MAIP1: variants seen among roughly 807,000 people sequenced by gnomAD.
The protein encoded by MAIP1 is m-AAA protease-interacting protein 1, mitochondrial.
A neutral mutation model predicts 31.2 loss-of-function variants in MAIP1; 28 were observed. The observed-to-expected ratio is 0.90, with a 90% CI of 0.67 to 1.23. The LOEUF (loss-of-function observed/expected upper bound fraction) is 1.23, where lower values mean the gene tolerates loss of function less well. Among genes scored for constraint, MAIP1 ranks in the 50% most tolerant of loss-of-function variants. The pLI, the probability that MAIP1 is intolerant of heterozygous loss-of-function variation, is 0.00. For missense variants in MAIP1, 339 were observed against 356.0 expected (o/e 0.95, Z 0.38); for synonymous variants, 142 against 142.3 (o/e 1.00, Z 0.02).
chr2:199,959,427 A>G (rs886559142), intron 2 of MAIP1, 88 bp downstream of exon 2: 4 of 810,332 alleles, frequency 4.9e-6, no homozygotes, highest in Non-Finnish European at 8.5e-6. Context: ...ATGCTTAAAA[A>G]TAGTGTGTGT....
chr2:199,955,916 T>C lies in MAIP1; in HGVS notation c.118T>C (p.Cys40Arg). 1 of 1,594,868 alleles carries C rather than the reference T, an allele frequency of 6.3e-7. No homozygotes were observed. The highest frequency in any genetic ancestry group is 8.6e-7 in the Non-Finnish European group (1 of 1,169,262). The part of the protein sequence containing the change: ...AEVRLPSATL[C>R]YFCRCRLGLG... ...GGTGAGGCTGCCGTCGGCCACACTT[T>C]GCTACTTCTGCCGCTGTCGCCTCGG... The change falls in exon 1 of 5, where the codon TGC becomes CGC. Residue 40 changes from cysteine to arginine, a missense_variant. Cys to Arg is a radical substitution (Grantham distance 180, BLOSUM62 -3). Coordinates refer to ENST00000392290, the MANE Select transcript of MAIP1 (RefSeq NM_001394955.1).
rs1232666901 is a variant in MAIP1, at chr2:199,963,840, T to C, written c.*29T>C. 1 of 1,455,922 alleles carries C rather than the reference T, an allele frequency of 6.9e-7. No homozygotes were observed. The allele number at this position is 1,455,922 out of a possible 1,614,324, so 90.2% of individuals were successfully genotyped here. ...TCTTGGAAAAATCAGCTTATGGACT[T>C]TAGCAGTTGCTGTGAAAAACTAAGG... On this transcript the variant is annotated 3_prime_UTR_variant, in exon 5 of 5. Transcript: ENST00000392290.
At position 199,955,974 on chromosome 2, in the gene MAIP1, G is replaced by C; in HGVS notation, c.176G>C (p.Arg59Thr). The C allele has an allele frequency of 6.2e-7, 1 of 1,612,528 alleles. No individual in the cohort carries two copies. Among genetic ancestry groups the C allele is most frequent in the South Asian group, 1.1e-5 (1 of 90,962 alleles). The change falls in exon 1 of 5, where the codon AGG (arginine) becomes ACG (threonine). Residue 59 changes from arginine to threonine, a missense_variant. By Grantham distance (71) the Arg-to-Thr change is moderately conservative (BLOSUM62 -1). Coordinates refer to ENST00000392290, the MANE Select transcript of MAIP1 (RefSeq NM_001394955.1). ...LGAALFPRSA[R>T]ALAASALPAQ... ...GCGGCGTTATTTCCACGAAGCGCTAGGGCCTTGGCAGCCTCGGCGCTACCT... is the reference window on the plus strand; with the variant it reads ...GCGGCGTTATTTCCACGAAGCGCTACGGCCTTGGCAGCCTCGGCGCTACCT...
upstream of MAIP1, chr2:199,955,580 G>C (rs1288765224): frequency 2.1e-6 from 3 of 1,405,680 alleles, no homozygotes; most frequent in Non-Finnish European, 2.9e-6. Context: ...CGCGAGGCCG[G>C]CAGACTCCAG....
chr2:199,960,421 A>G (rs2077629733), intron 3 of MAIP1, among the ~76,000 whole-genome samples: 1 of 152,204 alleles, frequency 6.6e-6, no homozygotes, highest in African/African-American at 2.4e-5. Flanking sequence ...AGCATTCCTG[A>G]TAATTCACTG....
At chr2:199,960,394 GCATA>G (rs1253471630) in intron 3 of MAIP1, among the ~76,000 whole-genome samples, 1 of 152,140 alleles carries the variant, frequency 6.6e-6, no homozygotes, top group African/African-American at 2.4e-5. Context: ...CTTGTCTGAG[GCATA>G]CATTTTCCCT....
At position 199,955,676 on chromosome 2, in the gene MAIP1, C is replaced by T. The variant is rs2077595091; in HGVS notation, c.-123C>T. The T allele has an allele frequency of 2.6e-6, 3 of 1,155,368 alleles. No homozygotes were observed. The highest frequency in any genetic ancestry group is 3.6e-6 in the Non-Finnish European group (3 of 834,760). 71.6% of individuals were successfully genotyped at this position (1,155,368 alleles called of 1,614,324 possible). ...GAGAGCGGGGACGGGGCCGACTCAC[C>T]AGAGGCTGCAGCAACAGGTCCACTT... On this transcript the variant is annotated 5_prime_UTR_variant, in exon 1 of 5. Transcript: ENST00000392290.
chr2:199,959,960 A>G (rs193164469), intron 3 of MAIP1, 80 bp downstream of exon 3: 224 of 1,338,286 alleles, frequency 1.7e-4, no homozygotes, highest in Non-Finnish European at 2.1e-4. Flanking sequence ...ACAAAATAGT[A>G]GAGTTTTGTC....
rs200389519 is a variant in MAIP1, at chr2:199,963,729, C to G, written c.798-4C>G. The G allele has an allele frequency of 3.1e-4, 486 of 1,571,584 alleles. No individual in the cohort carries two copies. Among genetic ancestry groups the G allele is most frequent in the Non-Finnish European group, 4.1e-4 (471 of 1,142,492 alleles). ...ATTTACATTATTTGCAATGTCTTTC[C>G]TAGGTTTCAGAGGGAGTTCACACAA... On this transcript the variant is annotated splice_polypyrimidine_tract_variant and splice_region_variant and intron_variant, in intron 4 of 4. Transcript: ENST00000392290.
Position 199,959,970 on chromosome 2 carries a change from C to T in MAIP1, c.649+90C>T. On this transcript the variant is annotated intron_variant, in intron 3 of 4. Transcript: ENST00000392290. Reference sequence around the variant, plus strand: ...TAATCACAAAATAGTAGAGTTTTGTCAGGACAAGTATTTATAGAACTTCAA... The same window carrying T: ...TAATCACAAAATAGTAGAGTTTTGTTAGGACAAGTATTTATAGAACTTCAA... 2.5e-6 allele frequency: 3 copies of T among 1,220,176 alleles called. No homozygotes were observed. The South Asian group carries it at 4.5e-5, about 18-fold the overall frequency. The allele number at this position is 1,220,176 out of a possible 1,614,324, so 75.6% of individuals were successfully genotyped here.
At chr2:199,960,812 A>G (rs1374704934) in intron 3 of MAIP1, among the ~76,000 whole-genome samples, 1 of 152,214 alleles carries the variant, frequency 6.6e-6, no homozygotes, top group Non-Finnish European at 1.5e-5. Context: ...TGCCAGCCAC[A>G]CAGGAAATGG....
chr2:199,957,583 A>G (rs1371754748), intron 1 of MAIP1, among the ~76,000 whole-genome samples: 1 of 152,190 alleles, frequency 6.6e-6, no homozygotes, highest in African/African-American at 2.4e-5. Flanking sequence ...TATTTATAAG[A>G]CCAATCAGTT....
chr2:199,964,012 C>A lies in MAIP1; in HGVS notation c.*201C>A. ...TGTTATCACCTTCTTTAAAAGAAGT[C>A]AAAATTTAAAAAATACAATAGCACG... is the stretch of plus-strand genomic sequence containing the variant. On this transcript the variant is annotated 3_prime_UTR_variant, in exon 5 of 5. Transcript: ENST00000392290. 1 of 364,924 alleles carries A rather than the reference C, an allele frequency of 2.7e-6. No homozygotes were observed. Among genetic ancestry groups the A allele is most frequent in the Non-Finnish European group, 4.9e-6 (1 of 204,322 alleles). The allele number at this position is 364,924 out of a possible 1,614,324, so 22.6% of individuals were successfully genotyped here. A position where few individuals can be genotyped will look rare whatever the true frequency, so the allele number is the denominator to read the frequency against.
intron 3 of MAIP1, among the ~76,000 whole-genome samples, chr2:199,960,711 G>C (rs995914140): frequency 6.6e-6 from 1 of 152,094 alleles, no homozygotes; most frequent in Non-Finnish European, 1.5e-5. Context: ...TAAAGGACTT[G>C]AGCATCTGTG....
chr2:199,955,366 A>G (rs2105720252), upstream of MAIP1: 2 of 1,609,994 alleles, frequency 1.2e-6, no homozygotes, highest in South Asian at 2.2e-5. Flanking sequence ...TGGTTTCTCG[A>G]GGTTCTGCCC....
In MAIP1 at chr2:199,962,033, C is replaced by T. The variant is rs184949642; in HGVS notation, c.797+105C>T. 32 of 1,066,364 alleles carry T rather than the reference C, an allele frequency of 3.0e-5. No homozygotes were observed. The Admixed American group carries it at 6.3e-4, about 21-fold the overall frequency. The allele number at this position is 1,066,364 out of a possible 1,614,324, so 66.1% of individuals were successfully genotyped here. A position where few individuals can be genotyped will look rare whatever the true frequency, so the allele number is the denominator to read the frequency against. ...TAGGAAGAAAAGAATTGAAATTTGA[C>T]AAGTTATTTATGAAGAGAAAAGGTC... On this transcript the variant is annotated intron_variant, in intron 4 of 4. Transcript: ENST00000392290.
At position 199,959,956 on chromosome 2, in the gene MAIP1, T is replaced by C. The variant is rs145551462; in HGVS notation, c.649+76T>C. On this transcript the variant is annotated intron_variant, in intron 3 of 4. Coordinates refer to ENST00000392290, the MANE Select transcript of MAIP1 (RefSeq NM_001394955.1). ...GCTAAACTAGTGGATAATCACAAAA[T>C]AGTAGAGTTTTGTCAGGACAAGTAT... The C allele has an allele frequency of 2.7e-5, 36 of 1,350,358 alleles. No homozygotes were observed. In the Middle Eastern group the frequency reaches 6.7e-4, roughly 25 times the overall value. The allele number at this position is 1,350,358 out of a possible 1,614,324, so 83.6% of individuals were successfully genotyped here.
chr2:199,962,915 A>T (rs1177371137), intron 4 of MAIP1, among the ~76,000 whole-genome samples: 2 of 151,502 alleles, frequency 1.3e-5, no homozygotes, highest in South Asian at 2.1e-4. Flanking sequence ...AACATTTATT[A>T]AAAAAATATG....
intron 4 of MAIP1, among the ~76,000 whole-genome samples, chr2:199,962,872 A>C (rs530382383): frequency 1.3e-5 from 2 of 152,316 alleles, no homozygotes; most frequent in African/African-American, 4.8e-5. Flanking sequence ...TAGAACAGTG[A>C]ACTGCTGGAG....
Sources: gnomAD v4.1 joint callset for allele counts (sites outside exome capture counted in the v4.1 genomes callset) on GRCh38, gnomAD v4.1.1 for gene constraint, MANE v1.5 for transcripts, NCBI Gene and HGNC (gene_info 2026-07-23, HGNC 2026-07-21) for gene names.